The following ARSB variants were observed in gnomAD, a reference collection of about 807,000 sequenced individuals.
The protein encoded by ARSB is arylsulfatase B, also known as N-acetylgalactosamine-4-sulfatase.
ARSB carries 41 observed loss-of-function variants against 50.9 expected under a neutral mutation model. The observed-to-expected ratio is 0.81, with a 90% CI of 0.63 to 1.04. The LOEUF is 1.04. ARSB is among the 50% of genes least tolerant of loss of function. The pLI is 0.00. For missense variants in ARSB, 672 were observed against 693.3 expected, an observed-to-expected ratio of 0.97 and a Z score of 0.35; for synonymous variants, 269 against 284.8, an observed-to-expected ratio of 0.94 and a Z score of 0.56.
intron 4 of ARSB, among the ~76,000 whole-genome samples, chr5:78,922,921 C>T (rs538677029): frequency 1.3e-5 from 2 of 152,194 alleles, no homozygotes; most frequent in East Asian, 3.9e-4. Context: ...CGCACCTGGA[C>T]TATAATAACA....
intron 5 of ARSB, chr5:78,885,323 G>A (rs561521385): frequency 1.7e-4 from 87 of 501,578 alleles, no homozygotes; most frequent in South Asian, 2.5e-4. Context: ...GCAAAACGTC[G>A]CAGCTTCAAA....
rs150232411 is a variant in ARSB, at chr5:78,829,221, G to A, written c.1213+10135C>T. Reference sequence around the variant, plus strand: ...AACATTCAAAAAATACGAAAATAGAGTGATGGTTAAGTATTGGTTGTTTTA... The same window carrying A: ...AACATTCAAAAAATACGAAAATAGAATGATGGTTAAGTATTGGTTGTTTTA... On this transcript the variant is annotated intron_variant, in intron 6 of 7. Transcript: ENST00000264914. Among the ~76,000 whole-genome samples the A allele has an allele frequency of 2.7e-3, 409 of 152,332 alleles. 3 individuals carry two copies. The highest frequency in any genetic ancestry group is 9.2e-3 in the African/African-American group (382 of 41,578).
intron 5 of ARSB, among the ~76,000 whole-genome samples, chr5:78,861,266 G>T (rs1414701821): frequency 2.6e-5 from 4 of 152,120 alleles, no homozygotes; most frequent in East Asian, 1.9e-4. Flanking sequence ...ATTTTATGAG[G>T]CCAGCATCAT....
intron 5 of ARSB, chr5:78,883,911 G>GA (rs1449609555): frequency 1.3e-5 from 2 of 152,014 alleles, no homozygotes; most frequent in African/African-American, 4.8e-5. Flanking sequence ...ATTAATTACA[G>GA]AAAAATTGAT....
intron 4 of ARSB, among the ~76,000 whole-genome samples, chr5:78,929,949 T>G (rs1019530178): frequency 5.3e-5 from 8 of 152,146 alleles, no homozygotes; most frequent in African/African-American, 1.9e-4. Flanking sequence ...TAATGAGTGG[T>G]CAGGTGACCT....
chr5:78,919,481 A>T (rs1749703290), intron 4 of ARSB, among the ~76,000 whole-genome samples: 1 of 151,530 alleles, frequency 6.6e-6, no homozygotes, highest in South Asian at 2.1e-4. Flanking sequence ...TTATTCATTT[A>T]TTCATTTATT....
intron 4 of ARSB, among the ~76,000 whole-genome samples, chr5:78,921,008 C>T (rs371926891): frequency 5.9e-5 from 9 of 152,246 alleles, no homozygotes; most frequent in African/African-American, 2.2e-4. Context: ...TAAGACCTAA[C>T]ATCCTATCAG....
Position 78,873,702 on chromosome 5 carries a change from A to C in ARSB, c.1142+11882T>G, listed in dbSNP as rs556286276. 2.0e-5 allele frequency among the ~76,000 whole-genome samples: 3 copies of C among 151,354 alleles called. 1 individual carries two copies. The East Asian group carries it at 5.8e-4, about 29-fold the overall frequency. The stretch of plus-strand genomic sequence containing the variant: ...AGTAGAGACGGGGTTTCACCGTTTT[A>C]GCCGGGATGGTCTCGATCTCCTGAC... On this transcript the variant is annotated intron_variant, in intron 5 of 7. Transcript: ENST00000264914.
At chr5:78,813,302 G>T (rs1743882293) in intron 6 of ARSB, among the ~76,000 whole-genome samples, 1 of 152,262 alleles carries the variant, frequency 6.6e-6, no homozygotes, top group East Asian at 1.9e-4. Flanking sequence ...GACCTCAGGA[G>T]ATCCACCCAC....
At chr5:78,914,728 G>A (rs1431452065) in intron 4 of ARSB, among the ~76,000 whole-genome samples, 2 of 152,152 alleles carry the variant, frequency 1.3e-5, no homozygotes, top group East Asian at 1.9e-4. Context: ...TCAGGCTGGC[G>A]TGCATGATCT....
In ARSB at chr5:78,932,641, C is replaced by G. The variant is rs1056032584; in HGVS notation, c.898+22654G>C. 2.0e-5 allele frequency among the ~76,000 whole-genome samples: 3 copies of G among 152,208 alleles called. No individual in the cohort carries two copies. The East Asian group carries it at 5.8e-4, about 29-fold the overall frequency. On this transcript the variant is annotated intron_variant, in intron 4 of 7. Transcript: ENST00000264914. Reference sequence around the variant, plus strand: ...ACTCCATTCCTCCACTTAGGAAGTGCTATGCTTTGAATGAGTTATATTACT... The same window carrying G: ...ACTCCATTCCTCCACTTAGGAAGTGGTATGCTTTGAATGAGTTATATTACT...
rs528069301 is a variant in ARSB, at chr5:78,966,986, G to C, written c.499+2020C>G. On this transcript the variant is annotated intron_variant, in intron 2 of 7. Coordinates refer to ENST00000264914, the MANE Select transcript of ARSB (RefSeq NM_000046.5). Reference sequence around the variant, plus strand: ...GAGGTCTGCTGGTGGACCTGGATGAGAGTGGGGCACACACACCCTCCTGTC... The same window carrying C: ...GAGGTCTGCTGGTGGACCTGGATGACAGTGGGGCACACACACCCTCCTGTC... 7.5e-4 allele frequency among the ~76,000 whole-genome samples: 113 copies of C among 150,652 alleles called. 2 individuals are homozygous for C. In the South Asian group the frequency reaches 9.9e-3, roughly 13 times the overall value.
intron 6 of ARSB, chr5:78,815,475 T>G: frequency 1.1e-6 from 1 of 924,082 alleles, no homozygotes; most frequent in Non-Finnish European, 1.3e-6. Flanking sequence ...ACTTGGCAAA[T>G]GGAGGACAGG....
chr5:78,985,429 C>T (rs1381840577), upstream of ARSB: 2 of 490,156 alleles, frequency 4.1e-6, no homozygotes, highest in Non-Finnish European at 3.0e-6. Context: ...CCCCCGGCTG[C>T]TGTGGCGGAG....
intron 5 of ARSB, among the ~76,000 whole-genome samples, chr5:78,871,891 G>T (rs1278421390): frequency 6.9e-6 from 1 of 145,684 alleles, no homozygotes. Context: ...CCTACAAAAT[G>T]GGAGAAAATT....
At chr5:78,808,788 C>T (rs1461487998) in intron 6 of ARSB, among the ~76,000 whole-genome samples, 1 of 152,218 alleles carries the variant, frequency 6.6e-6, no homozygotes, top group Non-Finnish European at 1.5e-5. Flanking sequence ...ACTGGTGCCC[C>T]CACCCTGTTT....
chr5:78,828,412 A>T lies in ARSB; in HGVS notation c.1213+10944T>A, dbSNP rs549355212. On this transcript the variant is annotated intron_variant, in intron 6 of 7. Transcript: ENST00000264914. ...TTTCATGCCTCCCCTTTGTCCCCCA[A>T]ATAGGCTCACACACCTTTTGCTCAC... Among the ~76,000 whole-genome samples, 6 of 152,136 alleles carry T rather than the reference A, an allele frequency of 3.9e-5. No individual in the cohort carries two copies. The South Asian group carries it at 1.2e-3, about 32-fold the overall frequency.
intron 6 of ARSB, among the ~76,000 whole-genome samples, chr5:78,788,595 TA>T (rs1048083507): frequency 2.8e-4 from 43 of 152,110 alleles, no homozygotes; most frequent in African/African-American, 8.5e-4. Context: ...TTTTTTAATT[TA>T]TTTTTTTATT....
intron 5 of ARSB, among the ~76,000 whole-genome samples, chr5:78,840,350 T>C (rs35839419): frequency 0.36 from 54,143 of 152,076 alleles, 11,208 homozygotes; most frequent in Admixed American, 0.48. Context: ...ATAAGGCTCC[T>C]GACGTAACCA....
Sources: allele counts gnomAD v4.1 joint callset (sites outside exome capture counted in the v4.1 genomes callset), GRCh38; gene constraint gnomAD v4.1.1; transcripts MANE v1.5; gene names NCBI Gene and HGNC (gene_info 2026-07-23, HGNC 2026-07-21).